The following ERI1 variants were observed in gnomAD, a reference collection of about 807,000 sequenced individuals.
ERI1 encodes 3'-5' exoribonuclease 1.
In ERI1, 39 loss-of-function variants were observed where a neutral mutation model predicts 39.7. That is an observed-to-expected ratio of 0.98 (90% CI 0.76 to 1.28). The LOEUF is 1.28. Among genes scored for constraint, ERI1 ranks in the 50% most tolerant of loss-of-function variants. The pLI, the probability that ERI1 is intolerant of heterozygous loss-of-function variation, is 0.00. For missense variants in ERI1, 581 were observed against 416.9 expected (o/e 1.39, Z -3.43); for synonymous variants, 204 against 149.6 (o/e 1.36, Z -2.65).
Position 9,003,171 on chromosome 8 carries a change from G to T in ERI1, c.108G>T (p.Glu36Asp). 8.1e-7 allele frequency: 1 copy of T among 1,241,916 alleles called. No homozygotes were observed. The allele number at this position is 1,241,916 out of a possible 1,614,324, so 76.9% of individuals were successfully genotyped here. A position where few individuals can be genotyped will look rare whatever the true frequency, so the allele number is the denominator to read the frequency against. Reference protein sequence around the residue: ...GGEEPPRPSPEETQQCKFDGQ... With the variant: ...GGEEPPRPSPDETQQCKFDGQ... ...AGGAGCCGCCGCGTCCCAGTCCCGA[G>T]GTGAGGAGTCGACCCGCGCCTGGCT... is the stretch of plus-strand genomic sequence containing the variant. Residue 36 changes from glutamate (E) to aspartate (D), a missense_variant and splice_region_variant, in exon 1 of 7, where the codon GAG becomes GAT. Coordinates refer to ENST00000250263, the MANE Select transcript of ERI1 (RefSeq NM_153332.4).
At chr8:9,038,704 C>T (rs55663066) in intron 3 of ERI1, among the ~76,000 whole-genome samples, 273 of 152,268 alleles carry the variant, frequency 1.8e-3, no homozygotes, top group Non-Finnish European at 2.8e-3. Context: ...CTACATTGCA[C>T]GGAGATCTAT....
chr8:9,044,642 T>G (rs943247775), intron 3 of ERI1, among the ~76,000 whole-genome samples: 2 of 152,142 alleles, frequency 1.3e-5, no homozygotes, highest in Non-Finnish European at 1.5e-5. Flanking sequence ...AAACACAAGC[T>G]AAGCCTTGAA....
At chr8:9,074,811 C>T (rs927159817) in intron 3 of ERI1, among the ~76,000 whole-genome samples, 1 of 152,154 alleles carries the variant, frequency 6.6e-6, no homozygotes, top group Non-Finnish European at 1.5e-5. Context: ...TTCTAAATTC[C>T]TAAAACCTTA....
chr8:9,092,898 G>T (rs780523090), intron 3 of ERI1, among the ~76,000 whole-genome samples: 1 of 152,196 alleles, frequency 6.6e-6, no homozygotes, highest in Non-Finnish European at 1.5e-5. Flanking sequence ...TCTGAGGGCT[G>T]GGAGGGAGAA....
At chr8:9,083,760 C>T (rs1799438676) in intron 3 of ERI1, among the ~76,000 whole-genome samples, 1 of 151,974 alleles carries the variant, frequency 6.6e-6, no homozygotes, top group Non-Finnish European at 1.5e-5. Flanking sequence ...TCAAGACCAG[C>T]CAGGACAACA....
At chr8:9,008,252 G>A in intron 2 of ERI1, 104 bp downstream of exon 2, 2 of 1,014,588 alleles carry the variant, frequency 2.0e-6, no homozygotes, top group East Asian at 2.7e-5. Flanking sequence ...CTACCGTAAT[G>A]ACATGATCCT....
At chr8:9,052,087 A>AATAACCGAT (rs1798373934) in intron 3 of ERI1, among the ~76,000 whole-genome samples, 1 of 152,250 alleles carries the variant, frequency 6.6e-6, no homozygotes, top group Admixed American at 6.5e-5. Flanking sequence ...TTTAGTGAAT[A>AATAACCGAT]ATAACCCTTC....
chr8:9,058,504 A>G (rs1798585467), intron 3 of ERI1, among the ~76,000 whole-genome samples: 1 of 152,204 alleles, frequency 6.6e-6, no homozygotes, highest in Admixed American at 6.6e-5. Context: ...AATGATAATG[A>G]CATTGTGGCA....
intron 3 of ERI1, among the ~76,000 whole-genome samples, chr8:9,044,064 A>C (rs1798104377): frequency 6.6e-6 from 1 of 152,158 alleles, no homozygotes; most frequent in African/African-American, 2.4e-5. Flanking sequence ...CTTAACCTTT[A>C]TGAGCTCCCA....
chr8:9,099,732 T>G (rs1439840189), intron 3 of ERI1: 1 of 152,252 alleles, frequency 6.6e-6, no homozygotes, highest in Non-Finnish European at 1.5e-5. Context: ...TACAGCAATT[T>G]ATTTATCCTT....
At chr8:9,026,475 G>T (rs746758387) in intron 6 of ERI1, among the ~76,000 whole-genome samples, 2 of 152,026 alleles carry the variant, frequency 1.3e-5, no homozygotes, top group African/African-American at 2.4e-5. Flanking sequence ...AAGTGGAGGC[G>T]TACAGTATTT....
intron 6 of ERI1, among the ~76,000 whole-genome samples, chr8:9,022,801 C>T (rs558684768): frequency 6.6e-6 from 1 of 152,260 alleles, no homozygotes; most frequent in Non-Finnish European, 1.5e-5. Context: ...TATGAGTCCT[C>T]ATGACCCAGG....
chr8:9,039,529 C>A (rs1271792990), intron 3 of ERI1, among the ~76,000 whole-genome samples: 1 of 152,042 alleles, frequency 6.6e-6, no homozygotes, highest in East Asian at 1.9e-4. Context: ...TTAAAATTTC[C>A]CTTATTTAAC....
intron 6 of ERI1, among the ~76,000 whole-genome samples, chr8:9,023,670 C>A (rs1818161156): frequency 6.8e-6 from 1 of 146,008 alleles, no homozygotes; most frequent in Admixed American, 7.2e-5. Context: ...TGTTTTCCTT[C>A]TTTTTTTGTA....
chr8:9,035,674 C>T (rs1282275272), downstream of ERI1, among the ~76,000 whole-genome samples: 1 of 152,202 alleles, frequency 6.6e-6, no homozygotes, highest in Non-Finnish European at 1.5e-5. Context: ...CCTACAAACA[C>T]AATATCCATT....
At chr8:9,058,333 C>G (rs879626041) in intron 3 of ERI1, among the ~76,000 whole-genome samples, 6 of 152,280 alleles carry the variant, frequency 3.9e-5, no homozygotes, top group South Asian at 4.1e-4. Context: ...GCTATGTGCC[C>G]CATGGTCCCT....
chr8:9,082,151 C>A lies in ERI1; in HGVS notation n.300-34197C>A, dbSNP rs1022364290. On this transcript the variant is annotated intron_variant and non_coding_transcript_variant, in intron 3 of 3. Coordinates refer to the ERI1 transcript ENST00000518663. Reference sequence around the variant, plus strand: ...AGTTTAGTCTCTTTCTAGAACCTTCCATCAGGTGAGGTCCACTATGAGCCT... The same window carrying A: ...AGTTTAGTCTCTTTCTAGAACCTTCAATCAGGTGAGGTCCACTATGAGCCT... Among the ~76,000 whole-genome samples, 37 of 152,164 alleles carry A rather than the reference C, an allele frequency of 2.4e-4. 1 individual carries two copies. The highest frequency in any genetic ancestry group is 6.6e-5 in the Admixed American group (1 of 15,264).
intron 5 of ERI1, 114 bp downstream of exon 5, chr8:9,018,520 A>G (rs1817541157): frequency 1.5e-5 from 9 of 612,498 alleles, no homozygotes; most frequent in Non-Finnish European, 2.5e-5. Context: ...CTAGAGTCTC[A>G]CCCCACAGGG....
chr8:9,027,096 A>G (rs897513053), intron 6 of ERI1, among the ~76,000 whole-genome samples: 7 of 151,544 alleles, frequency 4.6e-5, no homozygotes, highest in African/African-American at 1.7e-4. Flanking sequence ...TGCACAAAGT[A>G]CTACATTCTC....
Sources: allele counts gnomAD v4.1 joint callset (sites outside exome capture counted in the v4.1 genomes callset), GRCh38; gene constraint gnomAD v4.1.1; transcripts MANE v1.5; gene names NCBI Gene and HGNC (gene_info 2026-07-23, HGNC 2026-07-21).